The following SMG6 variants were observed in gnomAD, a reference collection of about 807,000 sequenced individuals.
The protein encoded by SMG6 is SMG6 nonsense mediated mRNA decay factor, also known as telomerase-binding protein EST1A.
SMG6 carries 66 observed loss-of-function variants against 142.2 expected under a neutral mutation model. That is an observed-to-expected ratio of 0.46 (90% CI 0.38 to 0.57). SMG6 has a LOEUF of 0.57. Ranked by LOEUF, SMG6 falls within the 20% of genes least tolerant of loss-of-function variation. SMG6 has a pLI of 0.00. For synonymous variants in SMG6, 779 were observed against 702.4 expected, an observed-to-expected ratio of 1.11 and a Z score of -1.72; for missense variants, 1,793 against 1,832.0, an observed-to-expected ratio of 0.98 and a Z score of 0.39.
At chr17:2,091,821 C>G (rs2068727145) in intron 13 of SMG6, among the ~76,000 whole-genome samples, 1 of 147,834 alleles carries the variant, frequency 6.8e-6, no homozygotes, top group South Asian at 2.2e-4. Context: ...CAGGCACCCG[C>G]CACCACGCCC....
At chr17:2,127,536 A>T (rs1376643853) in intron 13 of SMG6, 1 of 621,316 alleles carries the variant, frequency 1.6e-6, no homozygotes, top group East Asian at 4.0e-5. Flanking sequence ...TTTTGGGGCC[A>T]GCATCCTCAG....
chr17:2,218,878 C>T (rs2073094417), intron 10 of SMG6, among the ~76,000 whole-genome samples: 1 of 151,996 alleles, frequency 6.6e-6, no homozygotes, highest in East Asian at 1.9e-4. Context: ...AAATGTCCCA[C>T]TCTGGTGTGG....
At chr17:2,088,512 C>A (rs2068626700) in intron 13 of SMG6, 2 of 985,390 alleles carry the variant, frequency 2.0e-6, no homozygotes, top group South Asian at 9.4e-5. Context: ...TTCTCTAGGA[C>A]AAGGACAACT....
Position 2,289,923 on chromosome 17 carries a change from A to C in SMG6, c.2337+2629T>G, listed in dbSNP as rs1050458371. Among the ~76,000 whole-genome samples the C allele has an allele frequency of 2.0e-4, 27 of 132,744 alleles. 1 individual carries two copies. In the East Asian group the frequency reaches 5.9e-3, roughly 29 times the overall value. The allele number at this position is 132,744 out of a possible 152,430, so 87.1% of individuals were successfully genotyped here. On this transcript the variant is annotated intron_variant, in intron 6 of 18. Transcript: ENST00000263073. ...AAAGCGAGGCTCCATCTCAAAAAAA[A>C]ATAATTATTATTTTATACATATATA...
Position 2,081,799 on chromosome 17 carries a change from G to T in SMG6, c.3681+11C>A. ...CCATAGTGGGAACCACGCTCCCCAG[G>T]CCGACTTCACCTGGATCTTTTCCTG... On this transcript the variant is annotated intron_variant, in intron 15 of 18. Coordinates refer to ENST00000263073, the MANE Select transcript of SMG6 (RefSeq NM_017575.5). The T allele has an allele frequency of 1.9e-6, 3 of 1,612,264 alleles. No individual in the cohort carries two copies. The highest frequency in any genetic ancestry group is 1.7e-6 in the Non-Finnish European group (2 of 1,180,004).
chr17:2,127,506 C>G, intron 13 of SMG6: 1 of 675,830 alleles, frequency 1.5e-6, no homozygotes, highest in Non-Finnish European at 2.8e-6. Context: ...TATTATCAAG[C>G]TTGTATGACT....
At chr17:2,248,711 C>T (rs2073976409) in intron 8 of SMG6, among the ~76,000 whole-genome samples, 1 of 152,170 alleles carries the variant, frequency 6.6e-6, no homozygotes, top group Non-Finnish European at 1.5e-5. Flanking sequence ...GTTAAACATA[C>T]TTTCTCTTTG....
intron 16 of SMG6, among the ~76,000 whole-genome samples, chr17:2,066,696 A>ACACACACACACAC (rs1555529730): frequency 1.4e-4 from 6 of 43,822 alleles, no homozygotes; most frequent in East Asian, 7.1e-4. Context: ...CACACACACA[A>ACACACACACACAC]TGCCCATGCT....
intron 13 of SMG6, among the ~76,000 whole-genome samples, 179 bp downstream of exon 13, chr17:2,172,479 C>A (rs1161139994): frequency 6.8e-6 from 1 of 148,010 alleles, no homozygotes; most frequent in Non-Finnish European, 1.5e-5. Flanking sequence ...GTCGAGAGGG[C>A]TTTTTTTTTT....
At chr17:2,271,114 TG>T (rs1333522969) in intron 8 of SMG6, among the ~76,000 whole-genome samples, 26 of 143,868 alleles carry the variant, frequency 1.8e-4, no homozygotes, top group African/African-American at 4.0e-4. Flanking sequence ...TGTTTTTTTC[TG>T]GTTTTTTTTT....
At chr17:2,157,933 C>A (rs1363710067) in intron 13 of SMG6, among the ~76,000 whole-genome samples, 1 of 152,194 alleles carries the variant, frequency 6.6e-6, no homozygotes. Flanking sequence ...CTCCCACCAC[C>A]AGTAGAACCT....
At chr17:2,091,841 TG>T (rs59253773) in intron 13 of SMG6, among the ~76,000 whole-genome samples, 83,519 of 149,808 alleles carry the variant, frequency 0.56, 23,562 homozygotes, top group Admixed American at 0.64. Context: ...CAGCTAATTT[TG>T]TGTGTGTGTG....
At chr17:2,297,792 G>A (rs1419528790) in intron 3 of SMG6, 71 bp downstream of exon 3, 1 of 1,504,526 alleles carries the variant, frequency 6.6e-7, no homozygotes, top group Non-Finnish European at 9.0e-7. Flanking sequence ...TAGTATTTCA[G>A]GTAGTAAAAA....
At position 2,061,411 on chromosome 17, in the gene SMG6, T is replaced by A. The variant is rs1368300137; in HGVS notation, c.*81A>T. On this transcript the variant is annotated 3_prime_UTR_variant, in exon 19 of 19. Coordinates refer to ENST00000263073, the MANE Select transcript of SMG6 (RefSeq NM_017575.5). Reference sequence around the variant, plus strand: ...TGGGTGGATTGGTGGCTCAGGCACGTGGGCATCTTCCGTGCTACACTGGGC... The same window carrying A: ...TGGGTGGATTGGTGGCTCAGGCACGAGGGCATCTTCCGTGCTACACTGGGC... The A allele has an allele frequency of 1.2e-5, 17 of 1,380,352 alleles. No individual in the cohort carries two copies. The highest frequency in any genetic ancestry group is 1.7e-5 in the Non-Finnish European group (17 of 1,020,676). The allele number at this position is 1,380,352 out of a possible 1,614,324, so 85.5% of individuals were successfully genotyped here.
rs143405354 is a variant in SMG6, at chr17:2,262,467, A to G, written c.2662-17748T>C. Among the ~76,000 whole-genome samples the G allele has an allele frequency of 3.3e-3, 498 of 152,326 alleles. 1 individual carries two copies. The highest frequency in any genetic ancestry group is 0.011 in the African/African-American group (473 of 41,586). On this transcript the variant is annotated intron_variant, in intron 8 of 18. Transcript: ENST00000263073. ...CTGTACCATGGCCCAAGACATTATA[A>G]TGACAGAATCTTGGCTGGGAATCTC...
intron 13 of SMG6, among the ~76,000 whole-genome samples, chr17:2,141,152 CAT>C (rs2070467313): frequency 6.6e-6 from 1 of 152,210 alleles, no homozygotes; most frequent in South Asian, 2.1e-4. Context: ...TCAAAAGTCA[CAT>C]GTGGCCAGTG....
chr17:2,249,578 C>T (rs947513857), intron 8 of SMG6, among the ~76,000 whole-genome samples: 1 of 152,198 alleles, frequency 6.6e-6, no homozygotes, highest in Admixed American at 6.5e-5. Flanking sequence ...CCAGTTTTGG[C>T]TTCCCAAAGT....
chr17:2,197,304 C>T (rs1033220655), intron 10 of SMG6, among the ~76,000 whole-genome samples: 14 of 152,104 alleles, frequency 9.2e-5, no homozygotes, highest in Non-Finnish European at 1.5e-5. Flanking sequence ...TGGCTCACGC[C>T]TATAATTCCA....
intron 10 of SMG6, among the ~76,000 whole-genome samples, chr17:2,225,519 T>C (rs935602381): frequency 6.6e-6 from 1 of 151,732 alleles, no homozygotes; most frequent in Admixed American, 6.6e-5. Context: ...TATAGGTGCG[T>C]TTGAACAAAT....
Sources: allele counts gnomAD v4.1 joint callset (sites outside exome capture counted in the v4.1 genomes callset), GRCh38; gene constraint gnomAD v4.1.1; transcripts MANE v1.5; gene names NCBI Gene and HGNC (gene_info 2026-07-23, HGNC 2026-07-21).